The following SCRN1 variants were observed in gnomAD, a reference collection of about 807,000 sequenced individuals.
SCRN1 encodes secernin 1, also known as secernin-1.
SCRN1 carries 19 observed loss-of-function variants against 43.3 expected under a neutral mutation model. The observed-to-expected ratio is 0.44, with a 90% CI of 0.31 to 0.64. The LOEUF is 0.64. Ranked by LOEUF, SCRN1 falls within the 30% of genes least tolerant of loss-of-function variation. The pLI is 0.09. For synonymous variants in SCRN1, 183 were observed against 188.9 expected, an observed-to-expected ratio of 0.97 and a Z score of 0.26; for missense variants, 447 against 524.1, an observed-to-expected ratio of 0.85 and a Z score of 1.44.
intron 1 of SCRN1, among the ~76,000 whole-genome samples, chr7:29,971,677 A>G (rs570284929): frequency 1.3e-5 from 2 of 152,292 alleles, no homozygotes; most frequent in Admixed American, 1.3e-4. Context: ...GACTGTTAAA[A>G]TAGAGCAATA....
chr7:29,970,554 A>G (rs1162477097), intron 1 of SCRN1, among the ~76,000 whole-genome samples: 1 of 152,222 alleles, frequency 6.6e-6, no homozygotes, highest in African/African-American at 2.4e-5. Flanking sequence ...ACCAACAATC[A>G]TTATTTAGTC....
chr7:29,940,652 A>G, intron 5 of SCRN1, 30 bp downstream of exon 5: 1 of 1,561,258 alleles, frequency 6.4e-7, no homozygotes, highest in Non-Finnish European at 8.6e-7. Context: ...GGGTATGAGA[A>G]GGAGAATCGT....
chr7:29,985,421 T>A (rs1458256073), intron 1 of SCRN1, among the ~76,000 whole-genome samples: 2 of 150,086 alleles, frequency 1.3e-5, no homozygotes, highest in African/African-American at 2.5e-5. Flanking sequence ...AATAAATAAA[T>A]AAAAATAAAA....
At chr7:29,976,881 G>A (rs1269861542) in intron 1 of SCRN1, among the ~76,000 whole-genome samples, 2 of 152,228 alleles carry the variant, frequency 1.3e-5, no homozygotes, top group African/African-American at 2.4e-5. Flanking sequence ...CTGGAGTACT[G>A]TACTCTCGTA....
At chr7:29,947,447 A>G (rs765084047) in intron 3 of SCRN1, 8 of 1,259,558 alleles carry the variant, frequency 6.4e-6, no homozygotes, top group Non-Finnish European at 8.6e-6. Context: ...TCTATCTCAA[A>G]TCAGGTAAAA....
At chr7:29,990,193 G>T (rs1458783663), upstream of SCRN1, 55 of 1,551,488 alleles carry the variant, frequency 3.5e-5, no homozygotes, top group Non-Finnish European at 4.6e-5. Flanking sequence ...TTGTTGACTC[G>T]CACGTCCAAG....
chr7:29,984,534 A>G (rs2127933881), intron 1 of SCRN1, among the ~76,000 whole-genome samples: 1 of 152,244 alleles, frequency 6.6e-6, no homozygotes, highest in East Asian at 1.9e-4. Context: ...ACCACCTCAA[A>G]GGAAAAATAT....
At chr7:29,971,644 A>C (rs190143980) in intron 1 of SCRN1, among the ~76,000 whole-genome samples, 15 of 152,220 alleles carry the variant, frequency 9.9e-5, no homozygotes, top group South Asian at 4.2e-4. Context: ...AAAAAAAAAA[A>C]AAAAAAACTT....
At chr7:29,964,520 A>C (rs955697683) in intron 2 of SCRN1, among the ~76,000 whole-genome samples, 1 of 152,188 alleles carries the variant, frequency 6.6e-6, no homozygotes, top group Non-Finnish European at 1.5e-5. Flanking sequence ...GGGTGGGTGA[A>C]TAGGTGGAGC....
chr7:29,990,175 C>A, upstream of SCRN1: 1 of 1,551,572 alleles, frequency 6.4e-7, no homozygotes, highest in Non-Finnish European at 8.7e-7. Flanking sequence ...AGAAATGTGT[C>A]CTGTACCTTG....
At chr7:29,969,488 G>A (rs1019189128) in intron 1 of SCRN1, among the ~76,000 whole-genome samples, 3 of 152,172 alleles carry the variant, frequency 2.0e-5, no homozygotes, top group Admixed American at 1.3e-4. Context: ...GAAATGCATA[G>A]CCACCACATA....
At chr7:29,928,824 T>C (rs1280546441) in intron 6 of SCRN1, among the ~76,000 whole-genome samples, 3 of 152,206 alleles carry the variant, frequency 2.0e-5, no homozygotes, top group Non-Finnish European at 2.9e-5. Context: ...TGAATGGCTG[T>C]TGAATATGAA....
intron 3 of SCRN1, chr7:29,947,299 G>A (rs762755091): frequency 1.9e-5 from 29 of 1,550,608 alleles, no homozygotes; most frequent in African/African-American, 5.5e-5. Context: ...CACCCTGCCC[G>A]TTCCTGAAAA....
intron 1 of SCRN1, chr7:29,988,890 A>G (rs1323616635): frequency 6.6e-6 from 1 of 152,230 alleles, no homozygotes; most frequent in East Asian, 1.9e-4. Flanking sequence ...TGCTTTGCAG[A>G]CCACATTTCT....
chr7:29,962,913 A>T lies in SCRN1; in HGVS notation c.159+5996T>A, dbSNP rs577792778. 8.5e-5 allele frequency among the ~76,000 whole-genome samples: 13 copies of T among 152,234 alleles called. No homozygotes were observed. The South Asian group carries it at 2.7e-3, about 32-fold the overall frequency. On this transcript the variant is annotated intron_variant, in intron 2 of 7. Coordinates refer to ENST00000242059, the MANE Select transcript of SCRN1 (RefSeq NM_014766.5). The stretch of plus-strand genomic sequence containing the variant: ...CTTGGTACAAGTATAGGAGATGGAG[A>T]CAGATGTAACTGTAAGGGAACTAAA...
chr7:29,971,999 G>A (rs1179256298), intron 1 of SCRN1, among the ~76,000 whole-genome samples: 5 of 152,196 alleles, frequency 3.3e-5, no homozygotes, highest in African/African-American at 1.2e-4. Flanking sequence ...AAGCCAGAAA[G>A]ATAAAGAGGC....
At chr7:29,974,267 A>T (rs1788743334) in intron 1 of SCRN1, among the ~76,000 whole-genome samples, 1 of 152,212 alleles carries the variant, frequency 6.6e-6, no homozygotes, top group Admixed American at 6.5e-5. Context: ...ATACATCTGA[A>T]ATTTCAAAAG....
At chr7:29,978,282 A>G (rs1422735596) in intron 1 of SCRN1, among the ~76,000 whole-genome samples, 1 of 152,204 alleles carries the variant, frequency 6.6e-6, no homozygotes, top group Non-Finnish European at 1.5e-5. Context: ...GAGATTTCCT[A>G]TGGACACTCA....
At chr7:29,983,301 G>A (rs1357323871) in intron 1 of SCRN1, among the ~76,000 whole-genome samples, 1 of 134,892 alleles carries the variant, frequency 7.4e-6, no homozygotes, top group African/African-American at 2.7e-5. Context: ...GGGGACTGTG[G>A]TGGGGTGGGG....
Sources: gnomAD v4.1 joint callset for allele counts (sites outside exome capture counted in the v4.1 genomes callset) on GRCh38, gnomAD v4.1.1 for gene constraint, MANE v1.5 for transcripts, NCBI Gene and HGNC (gene_info 2026-07-23, HGNC 2026-07-21) for gene names.